PACRG: variants seen among roughly 807,000 people sequenced by gnomAD.
The protein encoded by PACRG is parkin coregulated.
In PACRG, 29 loss-of-function variants were observed where a neutral mutation model predicts 29.7. That is an observed-to-expected ratio of 0.98 (90% confidence interval 0.73 to 1.33). The LOEUF (loss-of-function observed/expected upper bound fraction) is 1.33, where lower values mean the gene tolerates loss of function less well. PACRG is among the 40% of genes most tolerant of loss of function. The probability of loss-of-function intolerance (pLI) is 0.00; values close to 1 mark genes in which losing one functional copy is unlikely to be tolerated. For synonymous variants in PACRG, 116 were observed against 118.7 expected (o/e 0.98, Z 0.15); for missense variants, 279 against 316.2 (o/e 0.88, Z 0.89).
At chr6:163,111,358 G>T (rs1225194523) in intron 4 of PACRG, among the ~76,000 whole-genome samples, 2 of 152,192 alleles carry the variant, frequency 1.3e-5, no homozygotes, top group Non-Finnish European at 2.9e-5. Flanking sequence ...AGATGCTATT[G>T]ATAATTAGTT....
At chr6:162,738,079 C>T (rs1215994089) in intron 1 of PACRG, among the ~76,000 whole-genome samples, 1 of 152,032 alleles carries the variant, frequency 6.6e-6, no homozygotes. Flanking sequence ...ATAAGTAAAA[C>T]AATAACCTCA....
chr6:162,759,362 C>T (rs1023701832), intron 1 of PACRG, among the ~76,000 whole-genome samples: 8 of 152,122 alleles, frequency 5.3e-5, no homozygotes, highest in African/African-American at 1.7e-4. Context: ...CCGTGGCTCA[C>T]ATAACCATGG....
intron 2 of PACRG, among the ~76,000 whole-genome samples, chr6:163,048,879 A>C (rs1809690861): frequency 6.6e-6 from 1 of 152,098 alleles, no homozygotes; most frequent in South Asian, 2.1e-4. Flanking sequence ...GATACTTTGG[A>C]ATTTCTGAAG....
chr6:163,159,415 T>G (rs1308006991), intron 4 of PACRG, among the ~76,000 whole-genome samples: 3 of 151,622 alleles, frequency 2.0e-5, no homozygotes, highest in African/African-American at 7.3e-5. Context: ...TGAAGTAAAT[T>G]CATGTGCTGT....
chr6:163,217,298 C>G lies in PACRG; in HGVS notation c.614-97529C>G, dbSNP rs767075688. On this transcript the variant is annotated intron_variant, in intron 4 of 4. Coordinates refer to ENST00000366888, the MANE Select transcript of PACRG (RefSeq NM_001080379.2). ...AAGCTCAGACTCAGGAAACTCACCC[C>G]CAACGGGAGCCCAATCCCAACAGAG... Among the ~76,000 whole-genome samples, 128 of 152,340 alleles carry G rather than the reference C, an allele frequency of 8.4e-4. 1 individual carries two copies. In the Middle Eastern group the frequency reaches 0.01, roughly 12 times the overall value.
rs1000669502 is a variant in PACRG, at chr6:162,994,454, T to G, written c.292-67696T>G. On this transcript the variant is annotated intron_variant, in intron 2 of 4. Transcript: ENST00000366888. ...CTTTGCTCATTTCTTTTTATTCTTT[T>G]TTCTCTAACCTTCCCTTCTCGCTTC... is the stretch of plus-strand genomic sequence containing the variant. 4.4e-4 allele frequency among the ~76,000 whole-genome samples: 66 copies of G among 149,588 alleles called. No homozygotes were observed. In the East Asian group the frequency reaches 9.1e-3, roughly 21 times the overall value.
At chr6:162,845,910 T>C (rs545830536) in intron 2 of PACRG, among the ~76,000 whole-genome samples, 1 of 152,284 alleles carries the variant, frequency 6.6e-6, no homozygotes, top group Admixed American at 6.5e-5. Context: ...CCCAGCATCA[T>C]TAGAGAGTTG....
At chr6:162,819,804 T>C (rs1177094351) in intron 2 of PACRG, among the ~76,000 whole-genome samples, 1 of 152,232 alleles carries the variant, frequency 6.6e-6, no homozygotes, top group Non-Finnish European at 1.5e-5. Flanking sequence ...CCCTTTTAAA[T>C]TATGAGCATT....
chr6:163,287,936 T>G (rs952057695), intron 4 of PACRG, among the ~76,000 whole-genome samples: 5 of 152,180 alleles, frequency 3.3e-5, no homozygotes, highest in Non-Finnish European at 7.3e-5. Flanking sequence ...AAGAAGCTAT[T>G]TATTTGGCTT....
At chr6:163,163,173 G>A (rs923666029) in intron 4 of PACRG, among the ~76,000 whole-genome samples, 1 of 152,168 alleles carries the variant, frequency 6.6e-6, no homozygotes, top group Admixed American at 6.5e-5. Context: ...GGATGTGGCT[G>A]GCAGCTCCCA....
rs556354654 is a variant in PACRG, at chr6:163,055,176, A to G, written c.292-6974A>G. Among the ~76,000 whole-genome samples, 2 of 152,312 alleles carry G rather than the reference A, an allele frequency of 1.3e-5. No individual in the cohort carries two copies. The highest frequency in any genetic ancestry group is 3.9e-4 in the East Asian group (2 of 5,180). On this transcript the variant is annotated intron_variant, in intron 2 of 4. Coordinates refer to ENST00000366888, the MANE Select transcript of PACRG (RefSeq NM_001080379.2). This position sits in a 1 kb window ranked among gnomAD's most constrained non-coding sequence, Gnocchi z 4.0. ...CTCTTGAAAAACTTTACTATGAAGA[A>G]TAATGTGGAAATGGAGCGGGGACCG... is the stretch of plus-strand genomic sequence containing the variant.
intron 2 of PACRG, among the ~76,000 whole-genome samples, chr6:162,887,417 A>T (rs561650318): frequency 6.6e-6 from 1 of 152,298 alleles, no homozygotes; most frequent in East Asian, 1.9e-4. Context: ...CTGGAATTTT[A>T]GTGAAAAAAT....
intron 1 of PACRG, among the ~76,000 whole-genome samples, chr6:162,791,670 C>A (rs569897888): frequency 1.3e-5 from 2 of 152,088 alleles, no homozygotes; most frequent in African/African-American, 4.8e-5. Flanking sequence ...TCCACGTGGG[C>A]GCTTTTGCTT....
chr6:163,243,150 T>TA (rs1782565839), intron 4 of PACRG, among the ~76,000 whole-genome samples: 1 of 152,250 alleles, frequency 6.6e-6, no homozygotes, highest in Admixed American at 6.5e-5. Flanking sequence ...TTACGTGATG[T>TA]ATCACTGGCT....
chr6:163,073,792 A>T (rs1437297848), intron 3 of PACRG, among the ~76,000 whole-genome samples: 2 of 152,236 alleles, frequency 1.3e-5, no homozygotes, highest in Admixed American at 6.5e-5. Context: ...GACATTTCTC[A>T]AAGGAAGACA....
At chr6:163,093,242 G>C (rs1562907916) in intron 4 of PACRG, among the ~76,000 whole-genome samples, 1 of 152,202 alleles carries the variant, frequency 6.6e-6, no homozygotes, top group Non-Finnish European at 1.5e-5. Context: ...CCAAACTGCT[G>C]TCTAAGCTTT....
At chr6:162,901,885 C>T (rs1426374789) in intron 2 of PACRG, among the ~76,000 whole-genome samples, 1 of 152,170 alleles carries the variant, frequency 6.6e-6, no homozygotes, top group Non-Finnish European at 1.5e-5. Flanking sequence ...ATGGCAGGAT[C>T]GCTAAGGTAA....
intron 4 of PACRG, among the ~76,000 whole-genome samples, chr6:163,207,271 G>T (rs1780942586): frequency 6.6e-6 from 1 of 152,104 alleles, no homozygotes; most frequent in African/African-American, 2.4e-5. Flanking sequence ...TAGAGTATGG[G>T]TAGTCTGTCT....
At chr6:163,195,297 A>T (rs1428650944) in intron 4 of PACRG, among the ~76,000 whole-genome samples, 1 of 152,156 alleles carries the variant, frequency 6.6e-6, no homozygotes, top group Non-Finnish European at 1.5e-5. Flanking sequence ...TAATTCCTTA[A>T]ATCTCCATCT....
Sources: gnomAD v4.1 joint callset for allele counts (sites outside exome capture counted in the v4.1 genomes callset) on GRCh38, gnomAD v4.1.1 for gene constraint, Gnocchi (gnomAD v3.1) non-coding constraint, MANE v1.5 for transcripts, NCBI Gene and HGNC (gene_info 2026-07-23, HGNC 2026-07-21) for gene names.